The following MACROD2 variants were observed in gnomAD, a reference collection of about 807,000 sequenced individuals.
MACROD2 encodes ADP-ribose glycohydrolase MACROD2.
In MACROD2, 36 loss-of-function variants were observed where a neutral mutation model predicts 70.4. That is an observed-to-expected ratio of 0.51 (90% CI 0.39 to 0.68). MACROD2 has a LOEUF of 0.68. Ranked by LOEUF, MACROD2 falls within the 30% of genes least tolerant of loss-of-function variation. The pLI is 0.00. For synonymous variants in MACROD2, 172 were observed against 178.8 expected (o/e 0.96, Z 0.30); for missense variants, 496 against 538.4 (o/e 0.92, Z 0.78).
At chr20:14,299,641 G>A (rs1290178564) in intron 3 of MACROD2, among the ~76,000 whole-genome samples, 4 of 151,992 alleles carry the variant, frequency 2.6e-5, no homozygotes, top group Non-Finnish European at 5.9e-5. Context: ...ATGTCTCTGA[G>A]GTATGCCTGT....
chr20:15,636,299 A>G (rs539665574), intron 8 of MACROD2, among the ~76,000 whole-genome samples: 139 of 152,226 alleles, frequency 9.1e-4, no homozygotes, highest in African/African-American at 3.3e-3. Flanking sequence ...TTCTAGAAGA[A>G]CCAGATAGAA....
chr20:14,278,834 G>A (rs2082280756), intron 3 of MACROD2, among the ~76,000 whole-genome samples: 1 of 149,838 alleles, frequency 6.7e-6, no homozygotes, highest in African/African-American at 2.4e-5. Flanking sequence ...TTTTAAGTAA[G>A]ACTTATTTAA....
chr20:14,964,596 A>T (rs189784641), intron 5 of MACROD2, among the ~76,000 whole-genome samples: 36 of 152,124 alleles, frequency 2.4e-4, no homozygotes, highest in African/African-American at 3.6e-4. Flanking sequence ...AAATAAAAAA[A>T]AAATAAAGAG....
chr20:14,297,017 AT>A (rs2082433132), intron 3 of MACROD2, among the ~76,000 whole-genome samples: 1 of 151,764 alleles, frequency 6.6e-6, no homozygotes, highest in Non-Finnish European at 1.5e-5. Context: ...TTATTATTAT[AT>A]CTCTTATGGT....
chr20:14,731,034 T>TCACAAAC (rs2071591654), intron 5 of MACROD2, among the ~76,000 whole-genome samples: 2 of 149,480 alleles, frequency 1.3e-5, no homozygotes, highest in African/African-American at 5.0e-5. Flanking sequence ...CACAAACACA[T>TCACAAAC]ACATTAATTT....
chr20:14,839,842 C>T (rs1286881055), intron 5 of MACROD2, among the ~76,000 whole-genome samples: 1 of 151,994 alleles, frequency 6.6e-6, no homozygotes, highest in Non-Finnish European at 1.5e-5. Flanking sequence ...TAGGTTTTAC[C>T]AGAAATTCTC....
intron 4 of MACROD2, among the ~76,000 whole-genome samples, chr20:14,657,092 T>G (rs891548416): frequency 7.2e-5 from 11 of 152,164 alleles, no homozygotes; most frequent in African/African-American, 2.4e-4. Context: ...TTTCATACAT[T>G]TGTGCTTTAT....
At chr20:14,120,867 T>G (rs12480241) in intron 3 of MACROD2, among the ~76,000 whole-genome samples, 22,781 of 144,780 alleles carry the variant, frequency 0.16, 2,178 homozygotes, top group South Asian at 0.24. Context: ...TGAGAACACA[T>G]GGCCACCGAG....
chr20:14,233,568 G>A (rs1480521507), intron 3 of MACROD2, among the ~76,000 whole-genome samples: 1 of 151,044 alleles, frequency 6.6e-6, no homozygotes, highest in Non-Finnish European at 1.5e-5. Context: ...GTGGTGGCGG[G>A]TGCCTGTAGT....
At chr20:14,778,710 T>C (rs2072263811) in intron 5 of MACROD2, among the ~76,000 whole-genome samples, 1 of 152,124 alleles carries the variant, frequency 6.6e-6, no homozygotes, top group South Asian at 2.1e-4. Context: ...CTCCTCTGGC[T>C]CTCCCACTTG....
At chr20:14,967,601 C>T (rs1337705434) in intron 5 of MACROD2, among the ~76,000 whole-genome samples, 1 of 152,092 alleles carries the variant, frequency 6.6e-6, no homozygotes, top group Admixed American at 6.5e-5. Context: ...TTTTGATGAA[C>T]AGAAACTCTA....
chr20:15,429,332 T>A (rs1467410406), intron 6 of MACROD2, among the ~76,000 whole-genome samples: 2 of 152,176 alleles, frequency 1.3e-5, no homozygotes, highest in African/African-American at 4.8e-5. Flanking sequence ...CATTGACTCA[T>A]AAATTTAATT....
chr20:14,018,996 T>C (rs540606511), intron 2 of MACROD2, among the ~76,000 whole-genome samples: 3 of 152,152 alleles, frequency 2.0e-5, no homozygotes, highest in Non-Finnish European at 4.4e-5. Context: ...CATGATCTCA[T>C]TGGGCTGTTC....
intron 15 of MACROD2, among the ~76,000 whole-genome samples, chr20:16,025,345 G>A (rs545885902): frequency 1.3e-5 from 2 of 152,332 alleles, no homozygotes; most frequent in South Asian, 4.1e-4. Flanking sequence ...AGGAGGCAAA[G>A]CCCAAACAGA....
chr20:14,141,781 A>G, intron 3 of MACROD2, among the ~76,000 whole-genome samples: 1 of 141,332 alleles, frequency 7.1e-6, no homozygotes, highest in Non-Finnish European at 1.5e-5. Context: ...AAAAGATTAA[A>G]GGGCATCATG....
intron 4 of MACROD2, among the ~76,000 whole-genome samples, chr20:14,541,806 T>C (rs776123978): frequency 2.0e-5 from 3 of 152,222 alleles, no homozygotes; most frequent in Non-Finnish European, 4.4e-5. Context: ...CTGGTATATC[T>C]AACTGCTCAA....
At chr20:15,582,586 C>A (rs372471364) in intron 8 of MACROD2, among the ~76,000 whole-genome samples, 1 of 152,190 alleles carries the variant, frequency 6.6e-6, no homozygotes, top group South Asian at 2.1e-4. Context: ...AAAGTCCCTC[C>A]GCACGACTCA....
chr20:15,214,528 A>G (rs1307450547), intron 5 of MACROD2, among the ~76,000 whole-genome samples: 1 of 152,222 alleles, frequency 6.6e-6, no homozygotes, highest in African/African-American at 2.4e-5. Flanking sequence ...TCTCTAAAAA[A>G]ACAAAACAAA....
intron 7 of MACROD2, among the ~76,000 whole-genome samples, chr20:15,482,869 T>C (rs1156709322): frequency 6.6e-6 from 1 of 152,212 alleles, no homozygotes; most frequent in East Asian, 1.9e-4. Flanking sequence ...GTATCTTCTT[T>C]GGTGGGGTGT....
Sources: gnomAD v4.1 joint callset for allele counts (sites outside exome capture counted in the v4.1 genomes callset) on GRCh38, gnomAD v4.1.1 for gene constraint, MANE v1.5 for transcripts, NCBI Gene and HGNC (gene_info 2026-07-23, HGNC 2026-07-21) for gene names.